The following AASDH variants were observed in gnomAD, a reference collection of about 807,000 sequenced individuals.
AASDH encodes aminoadipate-semialdehyde dehydrogenase.
A neutral mutation model predicts 102.3 loss-of-function variants in AASDH; 81 were observed. The observed-to-expected ratio is 0.79, with a 90% CI of 0.66 to 0.95. AASDH has a LOEUF of 0.95. Among genes scored for constraint, AASDH ranks in the 40% least tolerant of loss-of-function variants. The probability of loss-of-function intolerance (pLI) is 0.00; values close to 1 mark genes in which losing one functional copy is unlikely to be tolerated. For missense variants in AASDH, 1,203 were observed against 1,266.2 expected (o/e 0.95, Z 0.76); for synonymous variants, 398 against 454.0 (o/e 0.88, Z 1.57).
chr4:56,342,110 C>CA (rs113304959), intron 14 of AASDH, among the ~76,000 whole-genome samples: 7,546 of 94,504 alleles, frequency 0.08, 463 homozygotes, highest in East Asian at 0.19. Context: ...GATTCTGTCT[C>CA]AAAAAAAAAA....
chr4:56,341,389 CTTT>C (rs575687659), intron 14 of AASDH, among the ~76,000 whole-genome samples: 33 of 92,400 alleles, frequency 3.6e-4, no homozygotes, highest in African/African-American at 9.1e-4. Flanking sequence ...AGACTTTTAT[CTTT>C]TTTTTTTTTT....
At chr4:56,368,823 T>C (rs1226822762) in intron 5 of AASDH, among the ~76,000 whole-genome samples, 2 of 149,796 alleles carry the variant, frequency 1.3e-5, no homozygotes, top group African/African-American at 4.9e-5. Flanking sequence ...TGTATACATA[T>C]GTAACAAACC....
chr4:56,384,487 T>C, intron 1 of AASDH, 146 bp from the exon 2 acceptor site: 1 of 573,448 alleles, frequency 1.7e-6, no homozygotes, highest in South Asian at 2.3e-5. Context: ...TATGAAATTA[T>C]GGTAACTTTA....
In AASDH at chr4:56,383,955, A is replaced by G. The variant is rs1263166841; in HGVS notation, c.230+115T>C. On this transcript the variant is annotated intron_variant, in intron 2 of 14. Coordinates refer to ENST00000205214, the MANE Select transcript of AASDH (RefSeq NM_181806.4). ...AACTTCTTTAGTCTCTCTACAATTG[A>G]CCAAACAATATAGAAAAGTCCAATA... 10 of 817,168 alleles carry G rather than the reference A, an allele frequency of 1.2e-5. No individual in the cohort carries two copies. The Admixed American group carries it at 1.6e-4, about 13-fold the overall frequency. The allele number at this position is 817,168 out of a possible 1,614,324, so 50.6% of individuals were successfully genotyped here.
intron 9 of AASDH, 143 bp downstream of exon 9, chr4:56,353,261 T>C: frequency 1.6e-6 from 1 of 625,298 alleles, no homozygotes; most frequent in South Asian, 3.4e-5. Flanking sequence ...ATGAATTAAT[T>C]AGACAAAGCA....
chr4:56,343,632 G>T lies in AASDH; in HGVS notation c.2705C>A (p.Pro902Gln). 1 of 1,610,318 alleles carries T rather than the reference G, an allele frequency of 6.2e-7. No individual in the cohort carries two copies. Among genetic ancestry groups the T allele is most frequent in the African/African-American group, 1.3e-5 (1 of 74,900 alleles). ...ATGATGTGGAATCAGGTTCAAACAC[G>T]GAGAGGAAAAGACAGTTCCTCCACA... ...SKCGGTVFSS[P>Q]CLNLIPHHLY... Residue 902 changes from proline to glutamine, a missense_variant, in exon 13 of 15, where the codon CCG (proline) becomes CAG (glutamine). Coordinates refer to ENST00000205214, the MANE Select transcript of AASDH (RefSeq NM_181806.4).
At chr4:56,366,551 C>A (rs1751036438) in intron 5 of AASDH, among the ~76,000 whole-genome samples, 2 of 152,200 alleles carry the variant, frequency 1.3e-5, no homozygotes, top group Admixed American at 1.3e-4. Flanking sequence ...CCCTAGGATG[C>A]AAGCCTGGTT....
At chr4:56,357,805 G>T (rs1157416079) in intron 5 of AASDH, among the ~76,000 whole-genome samples, 1 of 151,622 alleles carries the variant, frequency 6.6e-6, no homozygotes, top group Admixed American at 6.6e-5. Flanking sequence ...ATTGCTAAGT[G>T]GTATTCTATA....
chr4:56,345,794 T>C (rs1164071716), intron 11 of AASDH, among the ~76,000 whole-genome samples: 2 of 152,254 alleles, frequency 1.3e-5, no homozygotes, highest in African/African-American at 2.4e-5. Context: ...TCAATGTTCA[T>C]TGAGCATTTA....
chr4:56,363,710 A>C (rs555781188), intron 5 of AASDH, among the ~76,000 whole-genome samples: 3 of 152,340 alleles, frequency 2.0e-5, no homozygotes, highest in African/African-American at 7.2e-5. Flanking sequence ...TCCACACCAG[A>C]AACCCATCTG....
intron 5 of AASDH, among the ~76,000 whole-genome samples, chr4:56,364,029 G>A (rs1471718968): frequency 6.6e-6 from 1 of 151,952 alleles, no homozygotes; most frequent in Non-Finnish European, 1.5e-5. Flanking sequence ...GTCCTTAAAG[G>A]ATCTGAGCTG....
intron 14 of AASDH, among the ~76,000 whole-genome samples, chr4:56,339,748 CAA>C (rs3036859): frequency 8.6e-5 from 11 of 127,936 alleles, no homozygotes; most frequent in Admixed American, 1.6e-4. Context: ...GACCTTGTTT[CAA>C]AAAAAAAAAA....
intron 5 of AASDH, among the ~76,000 whole-genome samples, chr4:56,367,118 T>C (rs201053937): frequency 0.17 from 25,924 of 151,924 alleles, 2,566 homozygotes; most frequent in Admixed American, 0.3. Context: ...CCATTCACAA[T>C]TGCTTCAAAG....
intron 1 of AASDH, among the ~76,000 whole-genome samples, chr4:56,387,004 A>T (rs1336230609): frequency 2.0e-5 from 3 of 152,090 alleles, no homozygotes; most frequent in Non-Finnish European, 2.9e-5. Context: ...TAATCTAGAA[A>T]CTTTATTTTC....
chr4:56,347,802 AAC>A (rs1254544083), intron 11 of AASDH, among the ~76,000 whole-genome samples: 2 of 152,136 alleles, frequency 1.3e-5, no homozygotes, highest in Non-Finnish European at 2.9e-5. Flanking sequence ...TTGATTCATA[AAC>A]AGTTATCTCA....
intron 3 of AASDH, among the ~76,000 whole-genome samples, chr4:56,378,906 C>T (rs1406668836): frequency 4.1e-5 from 6 of 147,934 alleles, no homozygotes; most frequent in African/African-American, 1.3e-4. Context: ...TTTTTTGAGA[C>T]GGAGTCTCAC....
chr4:56,384,189 A>C lies in AASDH; in HGVS notation c.111T>G (p.Thr37=). The C allele has an allele frequency of 6.2e-7, 1 of 1,614,170 alleles. No homozygotes were observed. Among genetic ancestry groups the C allele is most frequent in the Non-Finnish European group, 8.5e-7 (1 of 1,180,010 alleles). ...ATAATTCAGAAGCAGCATTAACCAC[A>C]GTCTTGTAGGTGTAGTAAACTGGAA... is the stretch of plus-strand genomic sequence containing the variant. ...NQLPVYYTYK[T]VVNAASELSN... is the part of the protein sequence containing the mutation. Residue 37 remains threonine, a synonymous_variant, in exon 2 of 15, where the codon ACT becomes ACG. Coordinates refer to ENST00000205214, the MANE Select transcript of AASDH (RefSeq NM_181806.4).
At chr4:56,374,172 A>G (rs1036213545) in intron 4 of AASDH, among the ~76,000 whole-genome samples, 4 of 152,088 alleles carry the variant, frequency 2.6e-5, no homozygotes, top group Admixed American at 2.0e-4. Flanking sequence ...TGAGGTCAGG[A>G]GTTTGAGACC....
At chr4:56,356,864 A>T in intron 5 of AASDH, 1 of 964,522 alleles carries the variant, frequency 1.0e-6, no homozygotes, top group Non-Finnish European at 1.6e-6. Flanking sequence ...CTGGCTCCCA[A>T]GTCTGTGGCT....
Sources: allele counts gnomAD v4.1 joint callset (sites outside exome capture counted in the v4.1 genomes callset), GRCh38; gene constraint gnomAD v4.1.1; transcripts MANE v1.5; gene names NCBI Gene and HGNC (gene_info 2026-07-23, HGNC 2026-07-21).